The following MAGI2 variants were observed in gnomAD, a reference collection of about 807,000 sequenced individuals.
MAGI2 encodes membrane-associated guanylate kinase, WW and PDZ domain-containing protein 2.
In MAGI2, 35 loss-of-function variants were observed where a neutral mutation model predicts 133.3. The observed-to-expected ratio is 0.26, with a 90% CI of 0.20 to 0.35. MAGI2 has a LOEUF of 0.35. Ranked by LOEUF, MAGI2 falls within the 10% of genes least tolerant of loss-of-function variation. The probability of loss-of-function intolerance (pLI) is 1.00; values close to 1 mark genes in which losing one functional copy is unlikely to be tolerated. For missense variants in MAGI2, 1,636 were observed against 1,863.4 expected (o/e 0.88, Z 2.25); for synonymous variants, 729 against 710.6 (o/e 1.03, Z -0.41).
At chr7:79,039,155 G>A (rs753784128) in intron 1 of MAGI2, among the ~76,000 whole-genome samples, 7 of 152,014 alleles carry the variant, frequency 4.6e-5, no homozygotes. Flanking sequence ...GTGATAGTGA[G>A]TGAGTTTTTA....
chr7:78,098,985 T>C (rs1008700185), intron 20 of MAGI2, among the ~76,000 whole-genome samples: 1 of 152,142 alleles, frequency 6.6e-6, no homozygotes, highest in Non-Finnish European at 1.5e-5. Flanking sequence ...ATTATTTATA[T>C]GTTCTGGATA....
intron 1 of MAGI2, among the ~76,000 whole-genome samples, chr7:79,182,677 C>T (rs1029549240): frequency 6.6e-6 from 1 of 151,920 alleles, no homozygotes; most frequent in African/African-American, 2.4e-5. Context: ...AGCAATCCCA[C>T]TAAGAGTACG....
intron 2 of MAGI2, among the ~76,000 whole-genome samples, chr7:78,756,175 C>T (rs1823926262): frequency 2.6e-5 from 4 of 152,118 alleles, no homozygotes; most frequent in South Asian, 2.1e-4. Flanking sequence ...GCTCAACTAC[C>T]CCTGAAGGAG....
chr7:79,364,120 C>A (rs1380802250), intron 1 of MAGI2, among the ~76,000 whole-genome samples: 11 of 151,846 alleles, frequency 7.2e-5, no homozygotes, highest in Admixed American at 7.2e-4. Context: ...GAAAAGGAAA[C>A]CCTTGCATAT....
chr7:79,161,341 C>T (rs1329792905), intron 1 of MAGI2, among the ~76,000 whole-genome samples: 1 of 152,020 alleles, frequency 6.6e-6, no homozygotes, highest in Admixed American at 6.6e-5. Flanking sequence ...GACAAATCCT[C>T]CAGTGCATGG....
chr7:78,396,826 A>G (rs1222917615), intron 6 of MAGI2, among the ~76,000 whole-genome samples: 1 of 152,208 alleles, frequency 6.6e-6, no homozygotes, highest in Non-Finnish European at 1.5e-5. Flanking sequence ...AATGCAGGAA[A>G]GAAAAGAACA....
intron 1 of MAGI2, among the ~76,000 whole-genome samples, chr7:79,033,867 C>T (rs1263005536): frequency 6.6e-6 from 1 of 152,056 alleles, no homozygotes; most frequent in Non-Finnish European, 1.5e-5. Context: ...TCTGTAACAA[C>T]TTATCAGAGT....
At chr7:78,111,507 A>G (rs986991241) in intron 20 of MAGI2, among the ~76,000 whole-genome samples, 1 of 152,250 alleles carries the variant, frequency 6.6e-6, no homozygotes, top group East Asian at 1.9e-4. Context: ...GAGCAAAGAA[A>G]TGGAGTCCTC....
intron 1 of MAGI2, among the ~76,000 whole-genome samples, chr7:79,078,885 G>C (rs1434143593): frequency 6.6e-6 from 1 of 152,052 alleles, no homozygotes; most frequent in Non-Finnish European, 1.5e-5. Flanking sequence ...AGGGCCCCAA[G>C]TGGTCCAAGC....
At chr7:79,305,621 G>T (rs1483584408) in intron 1 of MAGI2, among the ~76,000 whole-genome samples, 1 of 151,970 alleles carries the variant, frequency 6.6e-6, no homozygotes, top group Non-Finnish European at 1.5e-5. Context: ...TATTTAAAAA[G>T]GGATCTAGGC....
intron 2 of MAGI2, among the ~76,000 whole-genome samples, chr7:78,990,552 C>T (rs1225473649): frequency 2.0e-5 from 3 of 152,002 alleles, no homozygotes; most frequent in African/African-American, 7.2e-5. Flanking sequence ...GTTTCTAAAG[C>T]AACTTAAAAT....
At chr7:78,085,849 G>A (rs541622939) in intron 20 of MAGI2, among the ~76,000 whole-genome samples, 1 of 144,668 alleles carries the variant, frequency 6.9e-6, no homozygotes, top group African/African-American at 2.8e-5. Context: ...TTTGTGTTTA[G>A]AAAAGATGTA....
intron 2 of MAGI2, among the ~76,000 whole-genome samples, chr7:78,922,145 C>CTTTCTTTA (rs1439475789): frequency 1.9e-4 from 24 of 127,900 alleles, no homozygotes; most frequent in African/African-American, 6.5e-4. Flanking sequence ...TTCTTTCTTT[C>CTTTCTTTA]TTTATTTTTT....
At chr7:78,143,847 T>C (rs2150563911) in intron 16 of MAGI2, among the ~76,000 whole-genome samples, 1 of 152,242 alleles carries the variant, frequency 6.6e-6, no homozygotes, top group South Asian at 2.1e-4. Flanking sequence ...CATCAGCTCA[T>C]TTCCAAAACT....
chr7:78,401,227 A>G, intron 6 of MAGI2, among the ~76,000 whole-genome samples: 1 of 152,132 alleles, frequency 6.6e-6, no homozygotes, highest in South Asian at 2.1e-4. Flanking sequence ...GATCTGTAGC[A>G]TGAGGAAAAC....
chr7:78,032,108 T>G (rs1188014951), intron 21 of MAGI2, among the ~76,000 whole-genome samples: 1 of 151,870 alleles, frequency 6.6e-6, no homozygotes, highest in Non-Finnish European at 1.5e-5. Context: ...AATTGTGTTA[T>G]TGTATTTCAG....
chr7:78,725,815 CAACA>C (rs371894892), intron 2 of MAGI2, among the ~76,000 whole-genome samples: 22 of 151,952 alleles, frequency 1.4e-4, no homozygotes, highest in East Asian at 5.8e-4. Context: ...ACAACAACCA[CAACA>C]AACAAACAAA....
chr7:78,392,004 A>G (rs1795932502), intron 6 of MAGI2, among the ~76,000 whole-genome samples: 21 of 152,194 alleles, frequency 1.4e-4, no homozygotes, highest in Admixed American at 1.4e-3. Context: ...GAGAGCTGAA[A>G]CTGGCCAGAC....
intron 16 of MAGI2, among the ~76,000 whole-genome samples, chr7:78,135,561 G>A (rs571553656): frequency 6.6e-6 from 1 of 152,286 alleles, no homozygotes; most frequent in East Asian, 1.9e-4. Flanking sequence ...TTTCTAAGAA[G>A]CTCCTAGGGA....
Sources: gnomAD v4.1 joint callset for allele counts (sites outside exome capture counted in the v4.1 genomes callset) on GRCh38, gnomAD v4.1.1 for gene constraint, MANE v1.5 for transcripts, NCBI Gene and HGNC (gene_info 2026-07-23, HGNC 2026-07-21) for gene names.